Variants in GAREM1 observed in about 807,000 individuals in gnomAD.
GAREM1 encodes the protein GRB2 associated regulator of MAPK1 subtype 1.
A neutral mutation model predicts 71.3 loss-of-function variants in GAREM1; 26 were observed. The ratio of observed to expected loss-of-function variants is 0.36; its 90% CI spans 0.27 to 0.51. The LOEUF (loss-of-function observed/expected upper bound fraction) is 0.51, where lower values mean the gene tolerates loss of function less well. Among genes scored for constraint, GAREM1 ranks in the 20% least tolerant of loss-of-function variants. GAREM1 has a pLI of 0.95. For missense variants in GAREM1, 1,026 were observed against 1,103.1 expected (o/e 0.93, Z 0.99); for synonymous variants, 440 against 433.2 (o/e 1.02, Z -0.20).
At chr18:32,354,571 T>TC (rs1243166225) in intron 2 of GAREM1, among the ~76,000 whole-genome samples, 1 of 152,022 alleles carries the variant, frequency 6.6e-6, no homozygotes, top group African/African-American at 2.4e-5. Flanking sequence ...CAAGCTACAA[T>TC]CCCCCTCTCT....
chr18:32,367,069 T>C (rs374755142), intron 2 of GAREM1, among the ~76,000 whole-genome samples: 3 of 152,248 alleles, frequency 2.0e-5, no homozygotes, highest in East Asian at 3.8e-4. Context: ...AATTTATTCA[T>C]GTCAAACAAC....
At position 32,324,239 on chromosome 18, in the gene GAREM1, G is replaced by A. The variant is rs141120876; in HGVS notation, c.263-13916C>T. Among the ~76,000 whole-genome samples the A allele has an allele frequency of 2.9e-3, 442 of 152,282 alleles. 3 individuals are homozygous for A. The highest frequency in any genetic ancestry group is 0.01 in the African/African-American group (429 of 41,556). On this transcript the variant is annotated intron_variant, in intron 2 of 5. Transcript: ENST00000269209. The stretch of plus-strand genomic sequence containing the variant: ...CTTCTACGCCTTATGGAAGTATTTA[G>A]AAAGGAAAAAGAAAGCCAAACTGCG...
At chr18:32,368,021 T>A (rs1165499321) in intron 2 of GAREM1, among the ~76,000 whole-genome samples, 1 of 152,116 alleles carries the variant, frequency 6.6e-6, no homozygotes, top group Non-Finnish European at 1.5e-5. Flanking sequence ...TACATTCCTA[T>A]CCGTGCTTAC....
At chr18:32,415,334 G>A (rs1050243296) in intron 1 of GAREM1, among the ~76,000 whole-genome samples, 2 of 151,670 alleles carry the variant, frequency 1.3e-5, no homozygotes, top group South Asian at 2.1e-4. Flanking sequence ...AGAGGAAGAG[G>A]GAATACTTCC....
chr18:32,300,912 A>C (rs2047194808), intron 3 of GAREM1, among the ~76,000 whole-genome samples: 1 of 151,600 alleles, frequency 6.6e-6, no homozygotes, highest in Non-Finnish European at 1.5e-5. Context: ...GTCTCAAAAA[A>C]AAAAAAAAAA....
chr18:32,406,888 A>T (rs936341850), intron 1 of GAREM1, among the ~76,000 whole-genome samples: 2 of 152,226 alleles, frequency 1.3e-5, no homozygotes, highest in Non-Finnish European at 2.9e-5. Context: ...TCAATCAAAT[A>T]AAACTATCTG....
intron 1 of GAREM1, among the ~76,000 whole-genome samples, chr18:32,455,965 C>T (rs2048883086): frequency 6.6e-6 from 1 of 151,822 alleles, no homozygotes; most frequent in Non-Finnish European, 1.5e-5. Context: ...GGCACAACAG[C>T]CTGGAAGAAA....
At chr18:32,296,707 GT>G (rs547556975) in intron 3 of GAREM1, among the ~76,000 whole-genome samples, 7,357 of 139,932 alleles carry the variant, frequency 0.053, 295 homozygotes, top group African/African-American at 0.11. Context: ...TTTCTTGGCA[GT>G]TTTTTTTTTT....
chr18:32,467,627 T>C (rs1296644639), intron 1 of GAREM1, among the ~76,000 whole-genome samples: 4 of 152,252 alleles, frequency 2.6e-5, no homozygotes, highest in Admixed American at 6.5e-5. Flanking sequence ...GATTTTTTAA[T>C]GTTCTTTAAA....
intron 2 of GAREM1, among the ~76,000 whole-genome samples, chr18:32,318,162 G>A (rs537319856): frequency 3.9e-5 from 6 of 152,220 alleles, no homozygotes; most frequent in Admixed American, 6.5e-5. Flanking sequence ...TGACATGCTC[G>A]CTGATTATGG....
At chr18:32,454,600 T>C (rs1201618783) in intron 1 of GAREM1, among the ~76,000 whole-genome samples, 1 of 152,202 alleles carries the variant, frequency 6.6e-6, no homozygotes, top group Non-Finnish European at 1.5e-5. Flanking sequence ...CAAATATAAT[T>C]CACTAAGTCT....
chr18:32,443,913 G>A (rs1350355696), intron 1 of GAREM1, among the ~76,000 whole-genome samples: 1 of 152,114 alleles, frequency 6.6e-6, no homozygotes, highest in Non-Finnish European at 1.5e-5. Flanking sequence ...GTTGTAGATT[G>A]GTACGATGTG....
intron 2 of GAREM1, among the ~76,000 whole-genome samples, chr18:32,375,735 T>C (rs779858750): frequency 3.9e-5 from 6 of 152,052 alleles, no homozygotes; most frequent in Non-Finnish European, 8.8e-5. Context: ...TAAAAGACAA[T>C]AGGATCTGCC....
rs2041335640 is a variant in GAREM1 at position 32,263,628 on chromosome 18, G to A, written c.*4243C>T. On this transcript the variant is annotated 3_prime_UTR_variant, in exon 6 of 6. Transcript: ENST00000269209. Reference sequence around the variant, plus strand: ...GTGTTTATCTTGAGGTACACATTGGGCCCATTAGATAACGTTTTGGAAAGT... The same window carrying A: ...GTGTTTATCTTGAGGTACACATTGGACCCATTAGATAACGTTTTGGAAAGT... 1 of 152,062 alleles carries A rather than the reference G, an allele frequency of 6.6e-6. No homozygotes were observed. Among genetic ancestry groups the A allele is most frequent in the African/African-American group, 2.4e-5 (1 of 41,400 alleles). 9.4% of individuals were successfully genotyped at this position (152,062 alleles called of 1,614,324 possible).
intron 1 of GAREM1, among the ~76,000 whole-genome samples, chr18:32,426,691 G>A (rs1324973817): frequency 6.6e-6 from 1 of 151,998 alleles, no homozygotes; most frequent in Admixed American, 6.5e-5. Context: ...TGACTTGACT[G>A]GCTAATGAGC....
At chr18:32,310,401 C>CT in intron 2 of GAREM1, 78 bp from the exon 3 acceptor site, 1 of 1,453,190 alleles carries the variant, frequency 6.9e-7, no homozygotes, top group South Asian at 1.3e-5. Context: ...CATCCTCTCT[C>CT]TTTACCCCAG....
At chr18:32,378,020 G>GTGTGTGTGTGTGTGTGTGTA (rs1567986636) in intron 2 of GAREM1, among the ~76,000 whole-genome samples, 3 of 143,782 alleles carry the variant, frequency 2.1e-5, no homozygotes, top group African/African-American at 8.1e-5. Flanking sequence ...AACTGTGTGT[G>GTGTGTGTGTGTGTGTGTGTA]TGTGTGTGTG....
chr18:32,295,479 A>G (rs1054680074), intron 3 of GAREM1, among the ~76,000 whole-genome samples: 1 of 152,138 alleles, frequency 6.6e-6, no homozygotes, highest in Non-Finnish European at 1.5e-5. Flanking sequence ...CCTAAGCTTG[A>G]ATTTTTTTCT....
intron 2 of GAREM1, among the ~76,000 whole-genome samples, chr18:32,329,262 C>T (rs1194375448): frequency 6.6e-6 from 1 of 152,064 alleles, no homozygotes; most frequent in East Asian, 1.9e-4. Flanking sequence ...TATAGTCCTA[C>T]CTACTGAGGA....
Sources: allele counts gnomAD v4.1 joint callset (sites outside exome capture counted in the v4.1 genomes callset), GRCh38; gene constraint gnomAD v4.1.1; transcripts MANE v1.5; gene names NCBI Gene and HGNC (gene_info 2026-07-23, HGNC 2026-07-21).